PTPRD: variants seen among roughly 807,000 people sequenced by gnomAD.
PTPRD encodes receptor-type tyrosine-protein phosphatase delta.
Under a neutral mutation model 214.5 loss-of-function variants are expected in PTPRD, and 34 were observed. That is an observed-to-expected ratio of 0.16 (90% CI 0.12 to 0.21). PTPRD has a LOEUF of 0.21. Ranked by LOEUF, PTPRD falls within the 10% of genes least tolerant of loss-of-function variation. The pLI, the probability that PTPRD is intolerant of heterozygous loss-of-function variation, is 1.00. For synonymous variants in PTPRD, 1,128 were observed against 845.7 expected (o/e 1.33, Z -5.79); for missense variants, 2,545 against 2,398.7 (o/e 1.06, Z -1.27).
intron 5 of PTPRD, among the ~76,000 whole-genome samples, chr9:9,833,905 C>A (rs2055876918): frequency 6.6e-6 from 1 of 152,032 alleles, no homozygotes; most frequent in African/African-American, 2.4e-5. Context: ...GTCCACATTT[C>A]ATATTGCTCA....
At chr9:9,180,486 T>C (rs1181296796) in intron 10 of PTPRD, among the ~76,000 whole-genome samples, 4 of 148,014 alleles carry the variant, frequency 2.7e-5, no homozygotes, top group East Asian at 4.2e-4. Flanking sequence ...TTAGGAGATA[T>C]ACCTAATGCT....
intron 12 of PTPRD, among the ~76,000 whole-genome samples, chr9:8,674,811 C>T (rs10977245): frequency 6.6e-6 from 1 of 152,246 alleles, no homozygotes; most frequent in East Asian, 1.9e-4. Flanking sequence ...GCTTATACTT[C>T]ACTATTTTCC....
rs1336615244 is a variant in PTPRD, at chr9:9,155,129, TTAGTATA to T, written c.-143+28168_-143+28174del. Among the ~76,000 whole-genome samples the T allele has an allele frequency of 4.6e-5, 7 of 152,314 alleles. No individual in the cohort carries two copies. The South Asian group carries it at 1.2e-3, about 27-fold the overall frequency. On this transcript the variant is annotated intron_variant, in intron 10 of 45. Transcript: ENST00000381196. ...TATGTAGTACGAAATGACGATTGCC[TTAGTATA>T]TAGGCCTGCTCTAAGATGCATTGAA... is the stretch of plus-strand genomic sequence containing the variant.
At chr9:10,342,096 T>C (rs1217419711) in intron 2 of PTPRD, among the ~76,000 whole-genome samples, 1 of 152,066 alleles carries the variant, frequency 6.6e-6, no homozygotes, top group Non-Finnish European at 1.5e-5. Flanking sequence ...GTAGGTAGTC[T>C]TTTTGGCCCA....
chr9:8,885,062 G>A (rs2098475683), intron 11 of PTPRD, among the ~76,000 whole-genome samples: 1 of 152,198 alleles, frequency 6.6e-6, no homozygotes, highest in African/African-American at 2.4e-5. Flanking sequence ...CAAGTGAAGT[G>A]CTGATTGTGT....
intron 11 of PTPRD, among the ~76,000 whole-genome samples, chr9:8,920,316 G>A (rs1354219602): frequency 6.6e-6 from 1 of 151,958 alleles, no homozygotes; most frequent in Non-Finnish European, 1.5e-5. Flanking sequence ...ACTTCAGCCT[G>A]GGTGACAGAG....
At chr9:8,527,144 AC>A (rs113334891) in intron 16 of PTPRD, among the ~76,000 whole-genome samples, 200 bp downstream of exon 16, 16,470 of 151,936 alleles carry the variant, frequency 0.11, 992 homozygotes, top group East Asian at 0.27. Context: ...GTGTGCCATA[AC>A]TTGTGTACTA....
At chr9:8,463,333 A>AAAAC (rs1555049106) in intron 32 of PTPRD, among the ~76,000 whole-genome samples, 1 of 148,718 alleles carries the variant, frequency 6.7e-6, no homozygotes, top group Non-Finnish European at 1.5e-5. Context: ...AAAAAAAAAA[A>AAAAC]AGATGTGTAT....
chr9:8,967,741 C>T (rs2099207104), intron 11 of PTPRD, among the ~76,000 whole-genome samples: 2 of 152,154 alleles, frequency 1.3e-5, no homozygotes, highest in South Asian at 4.1e-4. Flanking sequence ...TTATACAATG[C>T]TCAGTATGTA....
chr9:9,238,125 C>A (rs1244913077), intron 9 of PTPRD, among the ~76,000 whole-genome samples: 3 of 152,036 alleles, frequency 2.0e-5, no homozygotes, highest in Admixed American at 6.6e-5. Context: ...GACACTAAAA[C>A]CTCTTGAGGA....
At chr9:8,709,359 C>CA (rs1389477463) in intron 12 of PTPRD, among the ~76,000 whole-genome samples, 2 of 151,236 alleles carry the variant, frequency 1.3e-5, no homozygotes, top group Non-Finnish European at 3.0e-5. Flanking sequence ...CTAAAAAATA[C>CA]AAAAAATTAG....
chr9:9,767,186 C>A (rs559240696), intron 5 of PTPRD, among the ~76,000 whole-genome samples: 2 of 151,752 alleles, frequency 1.3e-5, no homozygotes, highest in Non-Finnish European at 2.9e-5. Flanking sequence ...AATCAAACAT[C>A]GCTTTTCAAA....
intron 4 of PTPRD, among the ~76,000 whole-genome samples, chr9:9,990,773 A>T (rs2095884826): frequency 1.3e-5 from 2 of 152,170 alleles, no homozygotes; most frequent in Non-Finnish European, 2.9e-5. Flanking sequence ...TATCTCCATT[A>T]AATTTATTAT....
At chr9:8,892,745 A>G (rs1295559558) in intron 11 of PTPRD, among the ~76,000 whole-genome samples, 1 of 150,800 alleles carries the variant, frequency 6.6e-6, no homozygotes, top group Admixed American at 6.6e-5. Context: ...ATGTATATAT[A>G]TAGACAAAGT....
chr9:9,551,946 A>AG (rs2080380120), intron 8 of PTPRD, among the ~76,000 whole-genome samples: 2 of 151,446 alleles, frequency 1.3e-5, no homozygotes, highest in East Asian at 1.9e-4. Context: ...CATAGAAGTG[A>AG]GAAAAAAAAA....
chr9:8,670,008 G>A (rs2154362515), intron 12 of PTPRD, among the ~76,000 whole-genome samples: 1 of 149,892 alleles, frequency 6.7e-6, no homozygotes, highest in South Asian at 2.1e-4. Context: ...AGGGGTCGGT[G>A]TTTTCTGCCT....
At position 10,579,582 on chromosome 9, in the gene PTPRD, C is replaced by T. The variant is rs543909927; in HGVS notation, c.-600+32816G>A. 6.6e-5 allele frequency among the ~76,000 whole-genome samples: 10 copies of T among 152,202 alleles called. No homozygotes were observed. The South Asian group carries it at 8.3e-4, about 13-fold the overall frequency. On this transcript the variant is annotated intron_variant, in intron 2 of 45. Transcript: ENST00000381196. The stretch of plus-strand genomic sequence containing the variant: ...AGTAGTACTGTGATTAACATATAAG[C>T]GCATGAGTGTTTTTGGTAGAACGTT...
chr9:9,496,012 G>A (rs928781114), intron 8 of PTPRD, among the ~76,000 whole-genome samples: 8 of 152,120 alleles, frequency 5.3e-5, no homozygotes, highest in African/African-American at 1.4e-4. Context: ...GCAGCTGGCT[G>A]GATCCTACAC....
At chr9:8,948,836 A>T (rs1012772311) in intron 11 of PTPRD, among the ~76,000 whole-genome samples, 1 of 151,542 alleles carries the variant, frequency 6.6e-6, no homozygotes, top group Admixed American at 6.6e-5. Flanking sequence ...AAGGTAACAG[A>T]TGATGTGATA....
Sources: gnomAD v4.1 joint callset for allele counts (sites outside exome capture counted in the v4.1 genomes callset) on GRCh38, gnomAD v4.1.1 for gene constraint, MANE v1.5 for transcripts, NCBI Gene and HGNC (gene_info 2026-07-23, HGNC 2026-07-21) for gene names.